TXNDC16: variants seen among roughly 807,000 people sequenced by gnomAD.
TXNDC16 encodes thioredoxin domain containing 16.
A neutral mutation model predicts 85.6 loss-of-function variants in TXNDC16; 74 were observed. That is an observed-to-expected ratio of 0.86 (90% confidence interval 0.72 to 1.05). The LOEUF is 1.05. Ranked by LOEUF, TXNDC16 falls within the 50% of genes least tolerant of loss-of-function variation. TXNDC16 has a pLI of 0.00. For synonymous variants in TXNDC16, 335 were observed against 326.5 expected (o/e 1.03, Z -0.28); for missense variants, 959 against 947.0 (o/e 1.01, Z -0.17).
chr14:52,528,164 A>T (rs910985774), intron 6 of TXNDC16, among the ~76,000 whole-genome samples: 3 of 152,152 alleles, frequency 2.0e-5, no homozygotes, highest in African/African-American at 7.2e-5. Flanking sequence ...TAAAACAATG[A>T]TCTTTTCTGC....
At chr14:52,550,606 C>T (rs1418140183) in intron 1 of TXNDC16, among the ~76,000 whole-genome samples, 1 of 152,128 alleles carries the variant, frequency 6.6e-6, no homozygotes, top group Non-Finnish European at 1.5e-5. Flanking sequence ...CAGGCCAAGA[C>T]CTAAAATTAG....
intron 13 of TXNDC16, 58 bp from the exon 14 acceptor site, chr14:52,482,347 C>A: frequency 4.4e-6 from 6 of 1,371,750 alleles, no homozygotes; most frequent in Non-Finnish European, 6.2e-6. Flanking sequence ...AGCATCCACA[C>A]TGATATGTAA....
chr14:52,514,801 GGA>G, intron 8 of TXNDC16, 77 bp downstream of exon 8: 1 of 1,036,024 alleles, frequency 9.7e-7, no homozygotes, highest in Non-Finnish European at 1.4e-6. Context: ...GGAGCATAAT[GGA>G]AATGCTAAGT....
intron 1 of TXNDC16, among the ~76,000 whole-genome samples, chr14:52,548,840 C>T (rs990143651): frequency 6.6e-6 from 1 of 152,142 alleles, no homozygotes; most frequent in African/African-American, 2.4e-5. Flanking sequence ...CGAGATCACA[C>T]CATTGCACTC....
chr14:52,546,609 G>A (rs1240810589), intron 1 of TXNDC16, among the ~76,000 whole-genome samples: 1 of 152,188 alleles, frequency 6.6e-6, no homozygotes, highest in Non-Finnish European at 1.5e-5. Context: ...CAAGAGAAAT[G>A]CCCAAATGCT....
At chr14:52,505,336 G>T (rs539388942) in intron 9 of TXNDC16, among the ~76,000 whole-genome samples, 1 of 152,196 alleles carries the variant, frequency 6.6e-6, no homozygotes, top group East Asian at 1.9e-4. Context: ...GCACTCCTCA[G>T]CAATGTAAAA....
At chr14:52,519,917 C>T (rs2037170477) in intron 6 of TXNDC16, among the ~76,000 whole-genome samples, 2 of 152,100 alleles carry the variant, frequency 1.3e-5, no homozygotes, top group African/African-American at 2.4e-5. Context: ...CTTTATAGTA[C>T]TTATTACAAC....
intron 3 of TXNDC16, 136 bp from the exon 4 acceptor site, chr14:52,542,589 T>C (rs2037855576): frequency 3.7e-6 from 2 of 535,174 alleles, no homozygotes; most frequent in Non-Finnish European, 6.7e-6. Context: ...CATTACATAT[T>C]TTCACACCCT....
chr14:52,465,364 G>A (rs1051054191), intron 16 of TXNDC16, among the ~76,000 whole-genome samples: 8 of 152,038 alleles, frequency 5.3e-5, no homozygotes, highest in African/African-American at 1.2e-4. Flanking sequence ...AGGCCGAGGC[G>A]GGTGGATCAC....
rs149091834 is a variant in TXNDC16 at position 52,512,106 on chromosome 14, C to T, written c.606-716G>A. Among the ~76,000 whole-genome samples the T allele has an allele frequency of 5.3e-3, 799 of 152,182 alleles. 5 individuals carry two copies. The highest frequency in any genetic ancestry group is 8.5e-3 in the Non-Finnish European group (577 of 67,974). On this transcript the variant is annotated intron_variant, in intron 8 of 20. Transcript: ENST00000281741. ...TTTTAATTCTTGAGACATATTTAAA[C>T]TGAGCTGACAAGGTTCACTGATTTC...
chr14:52,469,924 A>T, intron 16 of TXNDC16, 113 bp downstream of exon 16: 1 of 1,072,716 alleles, frequency 9.3e-7, no homozygotes, highest in South Asian at 1.9e-5. Context: ...TTTTTCTTCA[A>T]ACTTCTCCAT....
intron 18 of TXNDC16, among the ~76,000 whole-genome samples, chr14:52,454,598 G>A (rs2035486680): frequency 7.0e-6 from 1 of 142,486 alleles, no homozygotes; most frequent in African/African-American, 2.6e-5. Context: ...GAGGTCAGGA[G>A]TTCGAGACCA....
chr14:52,450,874 TATATATAC>T (rs932264602), intron 18 of TXNDC16, among the ~76,000 whole-genome samples: 2 of 108,976 alleles, frequency 1.8e-5, no homozygotes, highest in Non-Finnish European at 1.9e-5. Flanking sequence ...TATATATATA[TATATATAC>T]ACACACACAC....
intron 14 of TXNDC16, among the ~76,000 whole-genome samples, chr14:52,474,235 G>A (rs921373964): frequency 1.3e-5 from 2 of 152,120 alleles, no homozygotes; most frequent in African/African-American, 4.8e-5. Flanking sequence ...AATTAAATGG[G>A]GTGGAGAGAG....
chr14:52,529,422 T>C (rs2037422257), intron 6 of TXNDC16, among the ~76,000 whole-genome samples: 2 of 150,496 alleles, frequency 1.3e-5, no homozygotes. Flanking sequence ...GGTATACATA[T>C]GTAACAAACC....
intron 7 of TXNDC16, among the ~76,000 whole-genome samples, chr14:52,516,368 G>A (rs898023527): frequency 6.6e-6 from 1 of 152,104 alleles, no homozygotes; most frequent in South Asian, 2.1e-4. Flanking sequence ...CAGAATTCTA[G>A]GTTCTAGTCA....
In TXNDC16 at chr14:52,514,947, C is replaced by T. The variant is rs775940793; in HGVS notation, c.538G>A (p.Ala180Thr). 64 of 1,612,200 alleles carry T rather than the reference C, an allele frequency of 4.0e-5. No homozygotes were observed. The highest frequency in any genetic ancestry group is 8.0e-5 in the African/African-American group (6 of 74,858). ...IPEHRAVMEAAFVYGTTYQFV... is the reference protein window; with the variant it reads ...IPEHRAVMEATFVYGTTYQFV... ...TGGTATGTAGTCCCATACACAAAAGCGGCTTCCATGACTGCTCTGTGCTCT... is the reference window on the plus strand; with the variant it reads ...TGGTATGTAGTCCCATACACAAAAGTGGCTTCCATGACTGCTCTGTGCTCT... The change falls in exon 8 of 21, where the codon GCT (alanine) becomes ACT (threonine). Residue 180 changes from alanine to threonine, a missense_variant. Ala to Thr is a moderately conservative substitution (Grantham distance 58, BLOSUM62 0). Transcript: ENST00000281741.
In TXNDC16 at chr14:52,511,387, A is replaced by G; in HGVS notation, c.609T>C (p.Ser203=). 1 of 1,564,322 alleles carries G rather than the reference A, an allele frequency of 6.4e-7. No individual in the cohort carries two copies. The highest frequency in any genetic ancestry group is 8.7e-7 in the Non-Finnish European group (1 of 1,149,228). The part of the protein sequence containing the change: ...TEIALLESIG[S]EDVEYAHLYF... ...AGAGATGTGCATATTCCACATCCTC[A>G]GAGCTACAAATTAAAAATTAATTAA... The change falls in exon 9 of 21, where the codon TCT becomes TCC. Residue 203 remains serine, a synonymous_variant. Coordinates refer to ENST00000281741, the MANE Select transcript of TXNDC16 (RefSeq NM_020784.3).
chr14:52,480,031 T>C (rs1403998198), intron 14 of TXNDC16, among the ~76,000 whole-genome samples: 1 of 152,104 alleles, frequency 6.6e-6, no homozygotes, highest in Admixed American at 6.6e-5. Flanking sequence ...AGCCAACTGA[T>C]CTTCAACAAA....
Sources: allele counts gnomAD v4.1 joint callset (sites outside exome capture counted in the v4.1 genomes callset), GRCh38; gene constraint gnomAD v4.1.1; transcripts MANE v1.5; gene names NCBI Gene and HGNC (gene_info 2026-07-23, HGNC 2026-07-21).